GALNT17: variants seen among roughly 807,000 people sequenced by gnomAD.
GALNT17 encodes UDP-GalNAc:polypeptide N-acetylgalactosaminyltransferase-like 3.
In GALNT17, 29 loss-of-function variants were observed where a neutral mutation model predicts 63.7. The observed-to-expected ratio is 0.46, with a 90% CI of 0.34 to 0.62. The LOEUF (loss-of-function observed/expected upper bound fraction) is 0.62, where lower values mean the gene tolerates loss of function less well. Among genes scored for constraint, GALNT17 ranks in the 20% least tolerant of loss-of-function variants. The probability of loss-of-function intolerance (pLI) is 0.01; values close to 1 mark genes in which losing one functional copy is unlikely to be tolerated. For synonymous variants in GALNT17, 305 were observed against 318.3 expected (o/e 0.96, Z 0.45); for missense variants, 603 against 799.6 (o/e 0.75, Z 2.97).
intron 1 of GALNT17, among the ~76,000 whole-genome samples, chr7:71,254,493 A>G (rs1345524708): frequency 1.3e-5 from 2 of 152,188 alleles, no homozygotes; most frequent in Non-Finnish European, 2.9e-5. Context: ...AGGGCCTCCC[A>G]TCTATCATGT....
At chr7:71,224,224 T>C (rs1789640272) in intron 1 of GALNT17, among the ~76,000 whole-genome samples, 1 of 152,096 alleles carries the variant, frequency 6.6e-6, no homozygotes, top group African/African-American at 2.4e-5. Flanking sequence ...ACTTTGTATT[T>C]TTAGTAAACG....
At chr7:71,140,558 C>T (rs975665367) in intron 1 of GALNT17, among the ~76,000 whole-genome samples, 2 of 152,162 alleles carry the variant, frequency 1.3e-5, no homozygotes, top group African/African-American at 2.4e-5. Flanking sequence ...AAACCCAACC[C>T]CCCTGACCTT....
intron 1 of GALNT17, among the ~76,000 whole-genome samples, chr7:71,193,305 G>A (rs1736223449): frequency 6.6e-6 from 1 of 151,780 alleles, no homozygotes; most frequent in African/African-American, 2.4e-5. Context: ...TTGCTGTATT[G>A]CCCTGTCTGA....
chr7:71,141,093 G>A (rs1240914379), intron 1 of GALNT17, among the ~76,000 whole-genome samples: 1 of 151,424 alleles, frequency 6.6e-6, no homozygotes, highest in Non-Finnish European at 1.5e-5. Context: ...TCAGGGCCAG[G>A]CGTGGTGACT....
intron 1 of GALNT17, among the ~76,000 whole-genome samples, chr7:71,260,611 C>CT (rs55738020): frequency 0.79 from 116,126 of 146,962 alleles, 45,950 homozygotes; most frequent in East Asian, 0.96. Context: ...TTTTTTTAAT[C>CT]TTTTTTTTTT....
At chr7:71,153,551 AT>A (rs1788173007) in intron 1 of GALNT17, among the ~76,000 whole-genome samples, 2 of 152,150 alleles carry the variant, frequency 1.3e-5, no homozygotes, top group Non-Finnish European at 2.9e-5. Flanking sequence ...TCAGAGTTGC[AT>A]TTTGGGAAGC....
chr7:71,429,757 A>G (rs1284387243), intron 5 of GALNT17, among the ~76,000 whole-genome samples: 3 of 152,102 alleles, frequency 2.0e-5, no homozygotes, highest in Non-Finnish European at 4.4e-5. Context: ...CCCAGGCTGG[A>G]GTGCAGTGGC....
intron 9 of GALNT17, among the ~76,000 whole-genome samples, chr7:71,698,140 AAG>A (rs1491087576): frequency 1.3e-5 from 2 of 150,300 alleles, no homozygotes; most frequent in South Asian, 2.1e-4. Flanking sequence ...AAAAAAAAAA[AAG>A]AAAAGAAAAG....
intron 1 of GALNT17, among the ~76,000 whole-genome samples, chr7:71,312,123 G>T (rs1441973359): frequency 6.6e-6 from 1 of 152,214 alleles, no homozygotes; most frequent in Non-Finnish European, 1.5e-5. Flanking sequence ...AATTTGCATG[G>T]TATTAAAAAG....
chr7:71,595,009 G>C (rs78396778), intron 6 of GALNT17, among the ~76,000 whole-genome samples: 2,577 of 152,212 alleles, frequency 0.017, 27 homozygotes, highest in Middle Eastern at 0.065. Context: ...ATAAAGAGAG[G>C]GGAAGACACA....
rs533749043 is a variant in GALNT17, at chr7:71,196,470, CTG to C, written c.238+63432_238+63433del. Among the ~76,000 whole-genome samples, 52 of 152,162 alleles carry C rather than the reference CTG, an allele frequency of 3.4e-4. 1 individual carries two copies. Among genetic ancestry groups the C allele is most frequent in the African/African-American group, 1.2e-3 (49 of 41,534 alleles). ...TTCTGCTTCTGTTTTGAATCCTCCA[CTG>C]TAATAAATCAGAGCCACGAGTACAA... On this transcript the variant is annotated intron_variant, in intron 1 of 10. Coordinates refer to ENST00000333538, the MANE Select transcript of GALNT17 (RefSeq NM_022479.3).
intron 1 of GALNT17, among the ~76,000 whole-genome samples, chr7:71,251,631 C>CA (rs1248075549): frequency 6.6e-6 from 1 of 152,140 alleles, no homozygotes; most frequent in Non-Finnish European, 1.5e-5. Context: ...AGGCTGGTCT[C>CA]AAACTCCTGG....
rs567025806 is a variant in GALNT17, at chr7:71,605,955, A to G, written c.1080+34553A>G. On this transcript the variant is annotated intron_variant, in intron 6 of 10. Coordinates refer to ENST00000333538, the MANE Select transcript of GALNT17 (RefSeq NM_022479.3). Reference sequence around the variant, plus strand: ...GCTTACCCATTTGGTTGATTGATTGACTGAGACAGGATCACCCACTGTCAC... The same window carrying G: ...GCTTACCCATTTGGTTGATTGATTGGCTGAGACAGGATCACCCACTGTCAC... 3.3e-5 allele frequency among the ~76,000 whole-genome samples: 5 copies of G among 152,084 alleles called. No individual in the cohort carries two copies. The South Asian group carries it at 1.0e-3, about 32-fold the overall frequency.
In GALNT17 at chr7:71,658,544, T is replaced by C. The variant is rs116648970; in HGVS notation, c.1081-6867T>C. ...AGTGGCTAGGGGTCATTCATAACCC[T>C]CCTTCTCCTTCCAAGCCATATCCAA... is the stretch of plus-strand genomic sequence containing the variant. On this transcript the variant is annotated intron_variant, in intron 6 of 10. Coordinates refer to ENST00000333538, the MANE Select transcript of GALNT17 (RefSeq NM_022479.3). Among the ~76,000 whole-genome samples the C allele has an allele frequency of 3.2e-3, 491 of 152,264 alleles. 2 individuals carry two copies. Among genetic ancestry groups the C allele is most frequent in the African/African-American group, 0.011 (461 of 41,554 alleles).
chr7:71,621,537 T>TGGATGGATGGATG lies in GALNT17; in HGVS notation c.1081-43873_1081-43872insGATGGATGGATGG, dbSNP rs1554316541. On this transcript the variant is annotated intron_variant, in intron 6 of 10. Coordinates refer to ENST00000333538, the MANE Select transcript of GALNT17 (RefSeq NM_022479.3). Reference sequence around the variant, plus strand: ...TGGATGGATGGATGGATGGATGGATTGATGGATTGATGGATAGATGGATGG... The same window carrying TGGATGGATGGATG: ...TGGATGGATGGATGGATGGATGGATTGGATGGATGGATGGATGGATTGATGGATAGATGGATGG... Among the ~76,000 whole-genome samples the TGGATGGATGGATG allele has an allele frequency of 1.1e-4, 15 of 139,048 alleles. 1 individual carries two copies. The highest frequency in any genetic ancestry group is 6.8e-4 in the South Asian group (3 of 4,422). The allele number at this position is 139,048 out of a possible 152,430, so 91.2% of individuals were successfully genotyped here.
At chr7:71,173,293 G>T (rs898994836) in intron 1 of GALNT17, among the ~76,000 whole-genome samples, 3 of 152,200 alleles carry the variant, frequency 2.0e-5, no homozygotes, top group Non-Finnish European at 4.4e-5. Flanking sequence ...ATGTCAGTGT[G>T]AATGAAGACA....
intron 1 of GALNT17, among the ~76,000 whole-genome samples, chr7:71,243,681 AG>A (rs1790043941): frequency 6.6e-6 from 1 of 152,142 alleles, no homozygotes; most frequent in South Asian, 2.1e-4. Flanking sequence ...CTGGGACTAC[AG>A]GTGGGTGCTG....
In GALNT17 at chr7:71,484,128, AAAT is replaced by A. The variant is rs370383640; in HGVS notation, c.962+63027_962+63029del. On this transcript the variant is annotated intron_variant, in intron 5 of 10. Transcript: ENST00000333538. ...GTATAAATAGAAGGAACACACTCTAAAATAATGATGAAAGTATAGTGTAGTAAA... is the reference window on the plus strand; with the variant it reads ...GTATAAATAGAAGGAACACACTCTAAAATGATGAAAGTATAGTGTAGTAAA... Among the ~76,000 whole-genome samples, 19 of 152,320 alleles carry A rather than the reference AAAT, an allele frequency of 1.2e-4. No homozygotes were observed. In the South Asian group the frequency reaches 3.9e-3, roughly 32 times the overall value.
intron 1 of GALNT17, among the ~76,000 whole-genome samples, chr7:71,297,861 T>C (rs950082003): frequency 2.6e-5 from 4 of 152,266 alleles, no homozygotes; most frequent in African/African-American, 9.6e-5. Context: ...TGATTCCACT[T>C]ATGTCAAGTT....
Sources: gnomAD v4.1 joint callset for allele counts (sites outside exome capture counted in the v4.1 genomes callset) on GRCh38, gnomAD v4.1.1 for gene constraint, MANE v1.5 for transcripts, NCBI Gene and HGNC (gene_info 2026-07-23, HGNC 2026-07-21) for gene names.